CAMK1D: variants seen among roughly 807,000 people sequenced by gnomAD.
CAMK1D encodes calcium/calmodulin dependent protein kinase ID.
CAMK1D carries 9 observed loss-of-function variants against 47.7 expected under a neutral mutation model. The ratio of observed to expected loss-of-function variants is 0.19; its 90% CI spans 0.11 to 0.33. The LOEUF (loss-of-function observed/expected upper bound fraction) is 0.33. Among genes scored for constraint, CAMK1D ranks in the 10% least tolerant of loss-of-function variants. The pLI is 1.00. For synonymous variants in CAMK1D, 184 were observed against 184.9 expected (o/e 0.99, Z 0.04); for missense variants, 291 against 488.7 (o/e 0.60, Z 3.81).
chr10:12,612,884 C>T (rs1055583803), intron 2 of CAMK1D, among the ~76,000 whole-genome samples: 2 of 152,052 alleles, frequency 1.3e-5, no homozygotes, highest in East Asian at 1.9e-4. Flanking sequence ...GTAGTCTTGG[C>T]ACGTGGTCTT....
At chr10:12,399,954 T>A (rs552381874) in intron 1 of CAMK1D, among the ~76,000 whole-genome samples, 2 of 152,314 alleles carry the variant, frequency 1.3e-5, no homozygotes, top group South Asian at 2.1e-4. Flanking sequence ...AGCAAAGTTC[T>A]ATATTGGTGA....
At chr10:12,729,241 T>A (rs1432831049) in intron 3 of CAMK1D, among the ~76,000 whole-genome samples, 1 of 151,980 alleles carries the variant, frequency 6.6e-6, no homozygotes, top group African/African-American at 2.4e-5. Context: ...CAAAATTCAA[T>A]AAGATCTCCA....
chr10:12,573,941 G>A (rs1837410600), intron 2 of CAMK1D, among the ~76,000 whole-genome samples: 2 of 139,972 alleles, frequency 1.4e-5, no homozygotes, highest in Non-Finnish European at 3.0e-5. Flanking sequence ...GTCCCAAGGT[G>A]CTGGGATCGC....
intron 4 of CAMK1D, among the ~76,000 whole-genome samples, chr10:12,767,213 T>G (rs1319061486): frequency 1.3e-5 from 2 of 152,126 alleles, no homozygotes; most frequent in Non-Finnish European, 2.9e-5. Flanking sequence ...GTTTCACTCT[T>G]TTTGCCCAGG....
chr10:12,480,129 C>T (rs761693197), intron 1 of CAMK1D, among the ~76,000 whole-genome samples: 6 of 152,190 alleles, frequency 3.9e-5, no homozygotes, highest in Admixed American at 6.5e-5. Flanking sequence ...CCTGTTTCCT[C>T]TAGTTGTTGA....
At chr10:12,749,336 G>T (rs114126383) in intron 3 of CAMK1D, among the ~76,000 whole-genome samples, 2 of 150,980 alleles carry the variant, frequency 1.3e-5, no homozygotes, top group Non-Finnish European at 2.9e-5. Context: ...TGGTTTTATA[G>T]GTTGTTAAAA....
intron 3 of CAMK1D, among the ~76,000 whole-genome samples, chr10:12,682,047 G>A (rs748870649): frequency 7.9e-5 from 12 of 152,104 alleles, no homozygotes; most frequent in Non-Finnish European, 1.5e-4. Flanking sequence ...GTGAAACCCC[G>A]TCTCTACTAA....
At chr10:12,556,948 T>G (rs1836780602) in intron 2 of CAMK1D, among the ~76,000 whole-genome samples, 1 of 152,050 alleles carries the variant, frequency 6.6e-6, no homozygotes, top group Non-Finnish European at 1.5e-5. Flanking sequence ...AAGAAACAGT[T>G]ATGAGTGTGT....
chr10:12,786,321 C>T (rs1837720190), intron 5 of CAMK1D, among the ~76,000 whole-genome samples: 1 of 152,114 alleles, frequency 6.6e-6, no homozygotes, highest in Non-Finnish European at 1.5e-5. Context: ...GTTTACCCAC[C>T]TCTAATTGGT....
chr10:12,683,147 C>T (rs57311611), intron 3 of CAMK1D, among the ~76,000 whole-genome samples: 7,656 of 147,968 alleles, frequency 0.052, 425 homozygotes, highest in African/African-American at 0.13. Context: ...AGTGCGGTGG[C>T]GTGATCTCAG....
intron 2 of CAMK1D, among the ~76,000 whole-genome samples, chr10:12,598,547 C>G (rs1347423938): frequency 1.3e-5 from 2 of 152,180 alleles, no homozygotes; most frequent in African/African-American, 4.8e-5. Flanking sequence ...CACACCACTT[C>G]CTGCAGATTC....
chr10:12,458,531 C>T (rs531529425), intron 1 of CAMK1D, among the ~76,000 whole-genome samples: 1 of 152,144 alleles, frequency 6.6e-6, no homozygotes, highest in Non-Finnish European at 1.5e-5. Context: ...ATCCTCCCAC[C>T]TCAGCCTTCC....
intron 2 of CAMK1D, among the ~76,000 whole-genome samples, chr10:12,592,730 G>A (rs1838034356): frequency 6.6e-6 from 1 of 152,186 alleles, no homozygotes; most frequent in Non-Finnish European, 1.5e-5. Flanking sequence ...ATTGTTCAAT[G>A]CCAGCCTACT....
At chr10:12,632,729 C>G (rs1469179999) in intron 2 of CAMK1D, among the ~76,000 whole-genome samples, 2 of 152,146 alleles carry the variant, frequency 1.3e-5, no homozygotes, top group Non-Finnish European at 1.5e-5. Context: ...CAGTCTCACT[C>G]TGTTGCCCAG....
intron 1 of CAMK1D, among the ~76,000 whole-genome samples, chr10:12,541,310 G>GT (rs1836161910): frequency 6.6e-6 from 1 of 152,114 alleles, no homozygotes; most frequent in African/African-American, 2.4e-5. Flanking sequence ...GGAGAGTTGC[G>GT]TACACATTGA....
chr10:12,450,935 G>A (rs1833065531), intron 1 of CAMK1D, among the ~76,000 whole-genome samples: 1 of 152,186 alleles, frequency 6.6e-6, no homozygotes, highest in Admixed American at 6.5e-5. Context: ...CAACTGGCAT[G>A]TCCTGCGCCT....
At chr10:12,798,935 G>C (rs1291581457) in intron 6 of CAMK1D, among the ~76,000 whole-genome samples, 4 of 152,146 alleles carry the variant, frequency 2.6e-5, no homozygotes, top group African/African-American at 2.4e-5. Context: ...CAGGAGCAGG[G>C]CATAGATGGT....
At chr10:12,599,322 G>T (rs888246821) in intron 2 of CAMK1D, among the ~76,000 whole-genome samples, 3 of 152,168 alleles carry the variant, frequency 2.0e-5, no homozygotes, top group African/African-American at 7.2e-5. Flanking sequence ...AGTGAGGCGG[G>T]ATGCAGCTGC....
At chr10:12,632,695 G>A (rs182925514) in intron 2 of CAMK1D, among the ~76,000 whole-genome samples, 256 of 152,108 alleles carry the variant, frequency 1.7e-3, no homozygotes, top group South Asian at 4.2e-3. Flanking sequence ...CTTGTTTTTT[G>A]TTTTTGTTTT....
Sources: gnomAD v4.1 joint callset for allele counts (sites outside exome capture counted in the v4.1 genomes callset) on GRCh38, gnomAD v4.1.1 for gene constraint, MANE v1.5 for transcripts, NCBI Gene and HGNC (gene_info 2026-07-23, HGNC 2026-07-21) for gene names.